The following ADAMTSL3 variants were observed in gnomAD, a reference collection of about 807,000 sequenced individuals.
ADAMTSL3 encodes ADAMTS-like protein 3.
Under a neutral mutation model 201.7 loss-of-function variants are expected in ADAMTSL3, and 128 were observed. That is an observed-to-expected ratio of 0.63 (90% CI 0.55 to 0.73). The LOEUF (loss-of-function observed/expected upper bound fraction) is 0.73. Among genes scored for constraint, ADAMTSL3 ranks in the 30% least tolerant of loss-of-function variants. ADAMTSL3 has a pLI of 0.00. For missense variants in ADAMTSL3, 1,990 were observed against 2,119.6 expected (o/e 0.94, Z 1.20); for synonymous variants, 738 against 748.4 (o/e 0.99, Z 0.23).
intron 2 of ADAMTSL3, among the ~76,000 whole-genome samples, chr15:83,700,326 A>C (rs2061754057): frequency 6.6e-6 from 1 of 152,126 alleles, no homozygotes; most frequent in Non-Finnish European, 1.5e-5. Flanking sequence ...GGGCTTTTGC[A>C]CTTGTTCTTT....
At chr15:83,877,831 T>G (rs910869415) in intron 9 of ADAMTSL3, among the ~76,000 whole-genome samples, 4 of 152,208 alleles carry the variant, frequency 2.6e-5, no homozygotes, top group African/African-American at 9.6e-5. Context: ...AGGTGTTGGT[T>G]ATTTTGATGT....
At chr15:84,026,773 A>G (rs185385569) in intron 27 of ADAMTSL3, among the ~76,000 whole-genome samples, 3 of 152,344 alleles carry the variant, frequency 2.0e-5, no homozygotes, top group African/African-American at 7.2e-5. Context: ...ATACGAAAAA[A>G]TAAAATGAAT....
chr15:83,858,521 C>T (rs866650756), intron 7 of ADAMTSL3, among the ~76,000 whole-genome samples: 4 of 152,116 alleles, frequency 2.6e-5, no homozygotes, highest in Non-Finnish European at 5.9e-5. Context: ...TACAGGCACA[C>T]GCCATCACAC....
chr15:83,982,408 A>G lies in ADAMTSL3; in HGVS notation c.2780A>G (p.Asn927Ser), dbSNP rs1382962550. 8 of 1,614,134 alleles carry G rather than the reference A, an allele frequency of 5.0e-6. No homozygotes were observed. The highest frequency in any genetic ancestry group is 5.9e-6 in the Non-Finnish European group (7 of 1,180,012). ...GGTAGCAGAGCCTATTTGCTGCCCA[A>G]CACATCCGTGATTATTAAGTGCCCC... is the stretch of plus-strand genomic sequence containing the variant. ...TIGSRAYLLP[N>S]TSVIIKCPVR... The change falls in exon 21 of 30, where the codon AAC (asparagine) becomes AGC (serine). Residue 927 changes from asparagine to serine, a missense_variant. Coordinates refer to ENST00000286744, the MANE Select transcript of ADAMTSL3 (RefSeq NM_207517.3).
At chr15:83,835,031 G>A (rs1246136242) in intron 6 of ADAMTSL3, among the ~76,000 whole-genome samples, 3 of 152,012 alleles carry the variant, frequency 2.0e-5, no homozygotes, top group Non-Finnish European at 4.4e-5. Flanking sequence ...TCAGGAGATC[G>A]AGACCATCCT....
intron 3 of ADAMTSL3, among the ~76,000 whole-genome samples, chr15:83,769,136 A>G (rs1036560279): frequency 6.6e-6 from 1 of 152,170 alleles, no homozygotes; most frequent in Non-Finnish European, 1.5e-5. Context: ...AGTTATGGAA[A>G]GAAACCTGAT....
chr15:83,742,800 A>G (rs138263246), intron 3 of ADAMTSL3, among the ~76,000 whole-genome samples: 324 of 152,272 alleles, frequency 2.1e-3, no homozygotes, highest in African/African-American at 7.5e-3. Context: ...TTTGCCTAAA[A>G]TGGGGTCACC....
intron 25 of ADAMTSL3, among the ~76,000 whole-genome samples, chr15:84,019,124 C>T (rs1478274661): frequency 7.3e-6 from 1 of 137,282 alleles, no homozygotes; most frequent in Non-Finnish European, 1.6e-5. Context: ...CAGTGGGCAA[C>T]AGACTTGAAC....
At chr15:83,847,960 A>G (rs925470848) in intron 7 of ADAMTSL3, among the ~76,000 whole-genome samples, 2 of 151,316 alleles carry the variant, frequency 1.3e-5, no homozygotes, top group African/African-American at 4.9e-5. Context: ...GCAATTTTCT[A>G]TAGGGTTCAA....
chr15:83,737,218 T>C (rs11856278), intron 3 of ADAMTSL3, among the ~76,000 whole-genome samples: 58,551 of 151,958 alleles, frequency 0.39, 11,649 homozygotes, highest in South Asian at 0.62. Flanking sequence ...AAATGGGAAG[T>C]GTGGGGGAAA....
intron 19 of ADAMTSL3, among the ~76,000 whole-genome samples, chr15:83,946,796 T>C (rs1300363833): frequency 6.6e-6 from 1 of 152,198 alleles, no homozygotes; most frequent in Non-Finnish European, 1.5e-5. Context: ...GGCTGTTTAG[T>C]TTCATAGGCA....
intron 2 of ADAMTSL3, among the ~76,000 whole-genome samples, chr15:83,666,061 A>G (rs2061244384): frequency 6.6e-6 from 1 of 152,166 alleles, no homozygotes; most frequent in Non-Finnish European, 1.5e-5. Flanking sequence ...CTTTAATTAT[A>G]CTAATTGTTA....
intron 9 of ADAMTSL3, among the ~76,000 whole-genome samples, chr15:83,876,269 A>G (rs577368484): frequency 8.9e-4 from 135 of 152,168 alleles, no homozygotes; most frequent in African/African-American, 2.9e-3. Context: ...CCATCCAAAC[A>G]TTGTCTCTGA....
At chr15:84,029,157 C>T (rs974883645) in intron 27 of ADAMTSL3, among the ~76,000 whole-genome samples, 3 of 152,112 alleles carry the variant, frequency 2.0e-5, no homozygotes, top group Admixed American at 6.5e-5. Flanking sequence ...AATGTGGAAG[C>T]GACTTTGGAA....
intron 8 of ADAMTSL3, among the ~76,000 whole-genome samples, chr15:83,870,587 C>A (rs997446232): frequency 6.6e-6 from 1 of 152,138 alleles, no homozygotes; most frequent in Non-Finnish European, 1.5e-5. Context: ...TTGAGTAGAA[C>A]TATTTGGGCC....
At chr15:83,730,332 G>A (rs553420288) in intron 3 of ADAMTSL3, among the ~76,000 whole-genome samples, 4 of 152,150 alleles carry the variant, frequency 2.6e-5, no homozygotes, top group African/African-American at 7.2e-5. Context: ...GACTTCCTAC[G>A]GCACACCAAA....
chr15:83,969,921 G>T (rs577553154), intron 19 of ADAMTSL3, among the ~76,000 whole-genome samples: 2 of 152,014 alleles, frequency 1.3e-5, no homozygotes, highest in Admixed American at 6.6e-5. Flanking sequence ...AAACAAACAG[G>T]CAACAAAAAA....
chr15:83,764,850 A>G (rs2062866442), intron 3 of ADAMTSL3, among the ~76,000 whole-genome samples: 1 of 152,150 alleles, frequency 6.6e-6, no homozygotes, highest in Non-Finnish European at 1.5e-5. Flanking sequence ...TGCTCAGCAT[A>G]TGGGATATGT....
chr15:83,749,984 CA>C (rs2062612194), intron 3 of ADAMTSL3, among the ~76,000 whole-genome samples: 1 of 152,186 alleles, frequency 6.6e-6, no homozygotes, highest in African/African-American at 2.4e-5. Flanking sequence ...TGTGTTCCTT[CA>C]ACTGCGTGCT....
Sources: allele counts gnomAD v4.1 joint callset (sites outside exome capture counted in the v4.1 genomes callset), GRCh38; gene constraint gnomAD v4.1.1; transcripts MANE v1.5; gene names NCBI Gene and HGNC (gene_info 2026-07-23, HGNC 2026-07-21).